ANK2: variants seen among roughly 807,000 people sequenced by gnomAD.
ANK2 encodes ankyrin-2.
ANK2 carries 83 observed loss-of-function variants against 360.5 expected under a neutral mutation model. The ratio of observed to expected loss-of-function variants is 0.23; its 90% CI spans 0.19 to 0.28. The LOEUF is 0.28. Among genes scored for constraint, ANK2 ranks in the 10% least tolerant of loss-of-function variants. The pLI, the probability that ANK2 is intolerant of heterozygous loss-of-function variation, is 1.00. For synonymous variants in ANK2, 1,740 were observed against 1,759.5 expected (o/e 0.99, Z 0.28); for missense variants, 4,201 against 4,795.7 (o/e 0.88, Z 3.66).
chr4:112,904,011 G>A (rs1021523406), intron 1 of ANK2, among the ~76,000 whole-genome samples: 10 of 152,112 alleles, frequency 6.6e-5, no homozygotes, highest in South Asian at 2.1e-4. Context: ...TAGGCCACAC[G>A]CATCTGTCAT....
intron 2 of ANK2, among the ~76,000 whole-genome samples, chr4:112,912,268 G>A (rs945980147): frequency 6.6e-6 from 1 of 151,894 alleles, no homozygotes; most frequent in Non-Finnish European, 1.5e-5. Flanking sequence ...TATTTTTTAA[G>A]TGACAACAAT....
At chr4:112,963,009 C>G (rs887741948) in intron 2 of ANK2, among the ~76,000 whole-genome samples, 6 of 152,016 alleles carry the variant, frequency 3.9e-5, no homozygotes, top group Non-Finnish European at 8.8e-5. Flanking sequence ...CTTTTTCCAT[C>G]ACTTAATTTT....
chr4:113,215,489 T>A (rs555250842), intron 4 of ANK2, among the ~76,000 whole-genome samples: 2 of 152,256 alleles, frequency 1.3e-5, no homozygotes, highest in African/African-American at 4.8e-5. Flanking sequence ...TTGCCCAAAA[T>A]GGCTAATTCT....
intron 1 of ANK2, among the ~76,000 whole-genome samples, chr4:113,154,175 A>G (rs2097193966): frequency 6.6e-6 from 1 of 152,240 alleles, no homozygotes; most frequent in Non-Finnish European, 1.5e-5. Flanking sequence ...CCTTAAAAGT[A>G]AGAAAATATC....
At chr4:112,976,549 T>C (rs1021174183) in intron 2 of ANK2, among the ~76,000 whole-genome samples, 6 of 152,188 alleles carry the variant, frequency 3.9e-5, no homozygotes, top group African/African-American at 7.2e-5. Context: ...TCATCTGCAA[T>C]ATGGGAATAA....
At chr4:112,858,747 T>A (rs76839797) in intron 1 of ANK2, among the ~76,000 whole-genome samples, 1 of 152,208 alleles carries the variant, frequency 6.6e-6, no homozygotes, top group Non-Finnish European at 1.5e-5. Context: ...AAAGTTTCCC[T>A]TTTCTTGACT....
the ANK2 span, among the ~76,000 whole-genome samples, chr4:112,762,535 A>AG: frequency 6.6e-6 from 1 of 152,238 alleles, no homozygotes; most frequent in Non-Finnish European, 1.5e-5. Context: ...TATTTTAGAC[A>AG]GAGTCTCACT....
intron 2 of ANK2, among the ~76,000 whole-genome samples, chr4:112,992,290 T>G (rs1387367794): frequency 1.3e-5 from 2 of 152,032 alleles, no homozygotes; most frequent in African/African-American, 4.8e-5. Context: ...ATTACAGGCA[T>G]GAGTCACCAC....
chr4:112,867,458 G>T (rs1396558890), intron 1 of ANK2, among the ~76,000 whole-genome samples: 1 of 151,798 alleles, frequency 6.6e-6, no homozygotes, highest in Non-Finnish European at 1.5e-5. Flanking sequence ...GTATAATTCA[G>T]TGGTTTTTAC....
At chr4:113,054,069 C>T (rs1037521402) in intron 1 of ANK2, among the ~76,000 whole-genome samples, 1 of 152,166 alleles carries the variant, frequency 6.6e-6, no homozygotes, top group African/African-American at 2.4e-5. Context: ...GCCCAAGCAT[C>T]AATCACAGGT....
intron 1 of ANK2, among the ~76,000 whole-genome samples, chr4:113,106,128 CT>C (rs1468486246): frequency 2.0e-5 from 3 of 152,162 alleles, no homozygotes; most frequent in African/African-American, 4.8e-5. Context: ...GTCTTCTTCT[CT>C]TCTGCAAAGC....
intron 22 of ANK2, among the ~76,000 whole-genome samples, chr4:113,299,445 C>G (rs190277208): frequency 2.6e-5 from 4 of 152,274 alleles, no homozygotes; most frequent in Admixed American, 2.6e-4. Context: ...TAGCTCACAT[C>G]TGTAATACCA....
rs2096799749 is a variant in ANK2 at position 113,373,149 on chromosome 4, G to A, written c.11670G>A (p.Glu3890=). Residue 3890 remains glutamate (E), a synonymous_variant, in exon 44 of 46, where the codon GAG becomes GAA. Transcript: ENST00000357077. Reference sequence around the variant, plus strand: ...TCACAGAAGAAGAATACATTGATGAGCATGGACACACCGTGGTAAAGAAGG... The same window carrying A: ...TCACAGAAGAAGAATACATTGATGAACATGGACACACCGTGGTAAAGAAGG... ...ETVTEEEYID[E]HGHTVVKKVT... 1.2e-6 allele frequency: 2 copies of A among 1,614,110 alleles called. No individual in the cohort carries two copies. The highest frequency in any genetic ancestry group is 1.7e-6 in the Non-Finnish European group (2 of 1,179,958).
rs1224245975 is a variant in ANK2, at chr4:113,229,059, C to A, written c.385-3102C>A. On this transcript the variant is annotated intron_variant, in intron 4 of 45. Coordinates refer to ENST00000357077, the MANE Select transcript of ANK2 (RefSeq NM_001148.6). ...CATGGAAGGGTGTGGACACACCAAC[C>A]TGCACATATTCAAGCTTTGTTCATC... Among the ~76,000 whole-genome samples, 12 of 152,202 alleles carry A rather than the reference C, an allele frequency of 7.9e-5. No individual in the cohort carries two copies. In the South Asian group the frequency reaches 2.5e-3, roughly 32 times the overall value.
In ANK2 at chr4:113,355,840, G is replaced by A. The variant is rs1425883025; in HGVS notation, c.7222G>A (p.Gly2408Arg). ...TCAGGGAGTCATTAGAAGTCCCCAA[G>A]GGTTAGAACTTGCACTCCCTAGCCG... ...KPQGVIRSPQGLELALPSRDS... is the reference protein window; with the variant it reads ...KPQGVIRSPQRLELALPSRDS... Residue 2408 changes from glycine (G) to arginine (R), a missense_variant, in exon 38 of 46, where the codon GGG (glycine) becomes AGG (arginine). Physicochemically the swap from Gly to Arg is moderately radical, Grantham distance 125 (BLOSUM62 -2). Transcript: ENST00000357077. 8.1e-6 allele frequency: 13 copies of A among 1,614,096 alleles called. No homozygotes were observed. Among genetic ancestry groups the A allele is most frequent in the Middle Eastern group, 3.3e-4 (2 of 6,058 alleles).
rs368129159 is a variant in ANK2 at position 113,258,403 on chromosome 4, A to G, written c.1378A>G (p.Thr460Ala). Residue 460 changes from threonine to alanine, a missense_variant, in exon 13 of 46, where the codon ACT (threonine) becomes GCT (alanine). Physicochemically the swap from Thr to Ala is moderately conservative, Grantham distance 58. Coordinates refer to ENST00000357077, the MANE Select transcript of ANK2 (RefSeq NM_001148.6). ...GCAGAACGGAGCCTCTCCAGATGTC[A>G]CTAACATTGTGAGTATGGCTTGGGT... ...LLQNGASPDVTNIRGETALHM... is the reference protein window; with the variant it reads ...LLQNGASPDVANIRGETALHM... The G allele has an allele frequency of 3.1e-6, 5 of 1,613,652 alleles. No individual in the cohort carries two copies. The highest frequency in any genetic ancestry group is 4.2e-6 in the Non-Finnish European group (5 of 1,179,568).
the ANK2 span, among the ~76,000 whole-genome samples, chr4:112,748,825 A>G: frequency 2.0e-5 from 3 of 151,962 alleles, no homozygotes; most frequent in Non-Finnish European, 4.4e-5. Context: ...CAGATATTCA[A>G]CTTAGTAAAC....
At position 113,365,175 on chromosome 4, in the gene ANK2, T is replaced by C. The variant is rs767903220; in HGVS notation, c.11025T>C (p.His3675=). 2.5e-6 allele frequency: 4 copies of C among 1,611,038 alleles called. No individual in the cohort carries two copies. Among genetic ancestry groups the C allele is most frequent in the South Asian group, 1.1e-5 (1 of 90,846 alleles). Residue 3675 remains histidine (H), a synonymous_variant, in exon 41 of 46, where the codon CAT becomes CAC. Coordinates refer to ENST00000357077, the MANE Select transcript of ANK2 (RefSeq NM_001148.6). ...AEIEQTITLD[H]SEGFSVLQEE... ...TTGAACAGACCATTACACTGGATCA[T>C]AGTGAAGGTCAAACTGTGTGTGTGT...
the ANK2 span, among the ~76,000 whole-genome samples, chr4:112,808,920 C>T: frequency 6.6e-6 from 1 of 151,990 alleles, no homozygotes; most frequent in Non-Finnish European, 1.5e-5. Context: ...TAAAGTGGTG[C>T]GATCTCGGCT....
Sources: allele counts gnomAD v4.1 joint callset (sites outside exome capture counted in the v4.1 genomes callset), GRCh38; gene constraint gnomAD v4.1.1; transcripts MANE v1.5; gene names NCBI Gene and HGNC (gene_info 2026-07-23, HGNC 2026-07-21).